The following ROBO2 variants were observed in gnomAD, a reference collection of about 807,000 sequenced individuals.
The protein encoded by ROBO2 is roundabout homolog 2.
Under a neutral mutation model 160.8 loss-of-function variants are expected in ROBO2, and 53 were observed. The ratio of observed to expected loss-of-function variants is 0.33; its 90% CI spans 0.26 to 0.41. ROBO2 has a LOEUF of 0.41. Ranked by LOEUF, ROBO2 falls within the 10% of genes least tolerant of loss-of-function variation. The pLI, the probability that ROBO2 is intolerant of heterozygous loss-of-function variation, is 1.00. For synonymous variants in ROBO2, 664 were observed against 611.7 expected (o/e 1.09, Z -1.26); for missense variants, 1,577 against 1,722.4 (o/e 0.92, Z 1.49).
At chr3:77,347,286 T>G (rs1168168167) in intron 2 of ROBO2, among the ~76,000 whole-genome samples, 1 of 152,126 alleles carries the variant, frequency 6.6e-6, no homozygotes, top group Non-Finnish European at 1.5e-5. Context: ...TAGATACCAC[T>G]ACTAACCAAA....
intron 2 of ROBO2, among the ~76,000 whole-genome samples, chr3:77,453,488 G>C (rs1247306179): frequency 6.6e-6 from 1 of 151,650 alleles, no homozygotes; most frequent in Non-Finnish European, 1.5e-5. Flanking sequence ...TTATGTTATA[G>C]GATATAAGGG....
Position 77,475,702 on chromosome 3 carries a change from T to C in ROBO2, c.389-1712T>C, listed in dbSNP as rs146332325. 1.7e-3 allele frequency among the ~76,000 whole-genome samples: 257 copies of C among 152,352 alleles called. 1 individual carries two copies. Among genetic ancestry groups the C allele is most frequent in the African/African-American group, 5.5e-3 (230 of 41,584 alleles). ...ACATTGCATAAATAGGCAGCTGTTC[T>C]GTATTTAGAATATAAATGAGTCACC... On this transcript the variant is annotated intron_variant, in intron 2 of 25. Transcript: ENST00000461745.
chr3:77,024,963 T>G (rs1222794036), intron 2 of ROBO2, among the ~76,000 whole-genome samples: 1 of 148,010 alleles, frequency 6.8e-6, no homozygotes, highest in Non-Finnish European at 1.5e-5. Flanking sequence ...CTCTTAGCTG[T>G]TTTTTTTTGT....
At chr3:76,826,319 A>G (rs969363486) in intron 2 of ROBO2, among the ~76,000 whole-genome samples, 2 of 152,122 alleles carry the variant, frequency 1.3e-5, no homozygotes, top group Admixed American at 1.3e-4. Flanking sequence ...TGCTTGGTTC[A>G]GTAAGAATAA....
intron 2 of ROBO2, among the ~76,000 whole-genome samples, chr3:76,891,544 G>A (rs1559660505): frequency 6.6e-6 from 1 of 152,100 alleles, no homozygotes; most frequent in African/African-American, 2.4e-5. Flanking sequence ...GTGTTGGAGG[G>A]AAAGAGTGTT....
At chr3:75,969,874 GC>G (rs2107348577) in intron 2 of ROBO2, among the ~76,000 whole-genome samples, 1 of 151,628 alleles carries the variant, frequency 6.6e-6, no homozygotes, top group Admixed American at 6.6e-5. Context: ...CTGTGAAGAA[GC>G]TTTTTAGTTT....
At chr3:76,837,587 T>C (rs2067819128) in intron 2 of ROBO2, among the ~76,000 whole-genome samples, 1 of 151,844 alleles carries the variant, frequency 6.6e-6, no homozygotes, top group Non-Finnish European at 1.5e-5. Flanking sequence ...AACTTTCTCT[T>C]GGATTCACAA....
chr3:77,637,005 A>G (rs2095274870), intron 24 of ROBO2, among the ~76,000 whole-genome samples: 1 of 152,218 alleles, frequency 6.6e-6, no homozygotes, highest in Admixed American at 6.5e-5. Context: ...TTTCCTTTTC[A>G]GCACTGTACC....
rs187351669 is a variant in ROBO2, at chr3:76,818,039, T to C, written c.110-279975T>C. Among the ~76,000 whole-genome samples the C allele has an allele frequency of 1.9e-3, 288 of 152,206 alleles. 2 individuals are homozygous for C. The highest frequency in any genetic ancestry group is 6.4e-3 in the African/African-American group (265 of 41,556). Reference sequence around the variant, plus strand: ...CCAGTAGTGGGATTGTTGGATCAAGTGGTAGTTCTATTTTTAGTTCTTTAA... The same window carrying C: ...CCAGTAGTGGGATTGTTGGATCAAGCGGTAGTTCTATTTTTAGTTCTTTAA... On this transcript the variant is annotated intron_variant, in intron 2 of 26. Transcript: ENST00000487694.
At chr3:77,344,532 GC>G (rs2067419796) in intron 2 of ROBO2, among the ~76,000 whole-genome samples, 1 of 152,130 alleles carries the variant, frequency 6.6e-6, no homozygotes, top group Non-Finnish European at 1.5e-5. Context: ...GCAGAAACAT[GC>G]CATCTGTGGG....
chr3:77,134,500 G>C (rs993458500), intron 2 of ROBO2, among the ~76,000 whole-genome samples: 1 of 152,162 alleles, frequency 6.6e-6, no homozygotes, highest in African/African-American at 2.4e-5. Context: ...GAAACTGAAG[G>C]ATAAAGGTTA....
At chr3:77,582,715 ACTT>A (rs2093951407) in intron 16 of ROBO2, among the ~76,000 whole-genome samples, 1 of 151,676 alleles carries the variant, frequency 6.6e-6, no homozygotes, top group Non-Finnish European at 1.5e-5. Context: ...TATACCTTTT[ACTT>A]CTATGTAATA....
intron 2 of ROBO2, among the ~76,000 whole-genome samples, chr3:77,370,624 G>A (rs1050744094): frequency 1.3e-5 from 2 of 152,228 alleles, no homozygotes; most frequent in Non-Finnish European, 2.9e-5. Context: ...CACATGCCAG[G>A]TCTGGCCCAC....
chr3:76,792,616 T>TA (rs1173020858), intron 2 of ROBO2, among the ~76,000 whole-genome samples: 2 of 151,750 alleles, frequency 1.3e-5, no homozygotes, highest in Non-Finnish European at 2.9e-5. Flanking sequence ...TTTGAAAATT[T>TA]TTTTTTTGGA....
intron 1 of ROBO2, among the ~76,000 whole-genome samples, chr3:77,065,542 T>G (rs2066752030): frequency 6.6e-6 from 1 of 152,138 alleles, no homozygotes; most frequent in Non-Finnish European, 1.5e-5. Flanking sequence ...GTCATTTGAG[T>G]ATTGGTGATC....
At chr3:77,561,710 A>C in intron 9 of ROBO2, among the ~76,000 whole-genome samples, 1 of 152,116 alleles carries the variant, frequency 6.6e-6, no homozygotes, top group African/African-American at 2.4e-5. Flanking sequence ...CCATAGCCAC[A>C]TTTTTTTAAT....
chr3:77,205,721 T>C (rs1294001032), intron 2 of ROBO2, among the ~76,000 whole-genome samples: 6 of 152,144 alleles, frequency 3.9e-5, no homozygotes, highest in Admixed American at 1.3e-4. Flanking sequence ...AGAAACAATT[T>C]TACTTTTTTA....
intron 2 of ROBO2, among the ~76,000 whole-genome samples, chr3:76,387,842 A>G (rs553323609): frequency 4.8e-4 from 73 of 152,344 alleles, no homozygotes; most frequent in Middle Eastern, 3.4e-3. Flanking sequence ...GCTTAAAAAT[A>G]TAGCCAAATC....
intron 2 of ROBO2, among the ~76,000 whole-genome samples, chr3:76,063,363 GAC>G (rs1426219316): frequency 7.4e-6 from 1 of 135,078 alleles, no homozygotes; most frequent in African/African-American, 3.0e-5. Context: ...TTTTTTTTGA[GAC>G]AGAGTCTCAC....
Sources: gnomAD v4.1 joint callset for allele counts (sites outside exome capture counted in the v4.1 genomes callset) on GRCh38, gnomAD v4.1.1 for gene constraint, MANE v1.5 for transcripts, NCBI Gene and HGNC (gene_info 2026-07-23, HGNC 2026-07-21) for gene names.